Variants in KCNAB1 observed in about 807,000 individuals in gnomAD.
KCNAB1 encodes the protein potassium voltage-gated channel subfamily A regulatory beta subunit 1.
In KCNAB1, 35 loss-of-function variants were observed where a neutral mutation model predicts 64.6. The ratio of observed to expected loss-of-function variants is 0.54; its 90% confidence interval spans 0.41 to 0.72. The LOEUF is 0.72. Ranked by LOEUF, KCNAB1 falls within the 30% of genes least tolerant of loss-of-function variation. The probability of loss-of-function intolerance (pLI) is 0.00; values close to 1 mark genes in which losing one functional copy is unlikely to be tolerated. For missense variants in KCNAB1, 401 were observed against 512.9 expected (o/e 0.78, Z 2.11); for synonymous variants, 177 against 183.8 (o/e 0.96, Z 0.30).
intron 1 of KCNAB1, among the ~76,000 whole-genome samples, chr3:156,211,447 T>C (rs1290165421): frequency 6.6e-6 from 1 of 152,232 alleles, no homozygotes; most frequent in Non-Finnish European, 1.5e-5. Context: ...AGTTGCTTCG[T>C]CTGGATATTA....
chr3:156,387,491 A>G (rs552462399), intron 1 of KCNAB1, among the ~76,000 whole-genome samples: 1 of 152,268 alleles, frequency 6.6e-6, no homozygotes, highest in Admixed American at 6.5e-5. Context: ...TAATTTTAAA[A>G]CATTTTTGTT....
chr3:156,218,787 A>AC (rs1715488334), intron 1 of KCNAB1, among the ~76,000 whole-genome samples: 1 of 101,626 alleles, frequency 9.8e-6, no homozygotes, highest in South Asian at 3.4e-4. Flanking sequence ...CCAGAACAGC[A>AC]AAAAAAAAAA....
chr3:156,222,594 A>G (rs768582706), intron 1 of KCNAB1, among the ~76,000 whole-genome samples: 2 of 152,234 alleles, frequency 1.3e-5, no homozygotes, highest in Non-Finnish European at 2.9e-5. Context: ...AGATATATTT[A>G]TAGAACATTC....
chr3:156,362,558 G>A (rs934446211), intron 1 of KCNAB1, among the ~76,000 whole-genome samples: 1 of 152,122 alleles, frequency 6.6e-6, no homozygotes, highest in South Asian at 2.1e-4. Flanking sequence ...AATAATAATA[G>A]TATTGTTATT....
intron 1 of KCNAB1, among the ~76,000 whole-genome samples, chr3:156,209,734 A>G (rs1275984009): frequency 6.6e-6 from 1 of 152,194 alleles, no homozygotes; most frequent in Non-Finnish European, 1.5e-5. Context: ...CATGCTCAAT[A>G]TTGGTGTGTC....
chr3:156,255,580 T>C (rs1300725436), intron 1 of KCNAB1, among the ~76,000 whole-genome samples: 1 of 152,184 alleles, frequency 6.6e-6, no homozygotes, highest in Non-Finnish European at 1.5e-5. Context: ...TGCCCCACAC[T>C]GCCTGCTGTG....
At chr3:156,130,666 T>C (rs901487757) in intron 1 of KCNAB1, among the ~76,000 whole-genome samples, 2 of 152,226 alleles carry the variant, frequency 1.3e-5, no homozygotes, top group Non-Finnish European at 2.9e-5. Context: ...CTGCCCTAGT[T>C]TGGGTTGATT....
chr3:156,193,756 C>T (rs1044072943), intron 1 of KCNAB1, among the ~76,000 whole-genome samples: 4 of 152,112 alleles, frequency 2.6e-5, no homozygotes, highest in African/African-American at 9.7e-5. Context: ...AGGTCCCTTC[C>T]TCGACATGTG....
intron 1 of KCNAB1, among the ~76,000 whole-genome samples, chr3:156,401,656 A>T (rs1226337584): frequency 6.6e-6 from 1 of 152,232 alleles, no homozygotes; most frequent in Non-Finnish European, 1.5e-5. Flanking sequence ...CGCTGCACCA[A>T]CGCTACAGCC....
At chr3:156,237,534 C>G (rs1183837357) in intron 1 of KCNAB1, among the ~76,000 whole-genome samples, 1 of 152,106 alleles carries the variant, frequency 6.6e-6, no homozygotes, top group Non-Finnish European at 1.5e-5. Context: ...CCTCGCTCAA[C>G]TATACGTATT....
chr3:156,230,587 A>G (rs1456706428), intron 1 of KCNAB1, among the ~76,000 whole-genome samples: 4 of 152,228 alleles, frequency 2.6e-5, no homozygotes, highest in African/African-American at 9.6e-5. Context: ...ATTAATAAAG[A>G]CAAGGAGCTT....
chr3:156,361,786 G>C (rs1725631819), intron 1 of KCNAB1, among the ~76,000 whole-genome samples: 1 of 151,956 alleles, frequency 6.6e-6, no homozygotes, highest in Admixed American at 6.6e-5. Flanking sequence ...AGCCTCCCAA[G>C]TAGCTGGGAG....
chr3:156,272,260 A>T (rs1007148413), intron 1 of KCNAB1, among the ~76,000 whole-genome samples: 1 of 152,342 alleles, frequency 6.6e-6, no homozygotes, highest in East Asian at 1.9e-4. Context: ...TTGGTGGCAA[A>T]GCCAGGCAGT....
chr3:156,134,451 T>C (rs1171513091), intron 1 of KCNAB1, among the ~76,000 whole-genome samples: 11 of 152,206 alleles, frequency 7.2e-5, no homozygotes, highest in African/African-American at 2.4e-4. Context: ...CAAGAAAGAA[T>C]ACATGGTTTA....
chr3:156,251,884 A>G (rs1335014469), intron 1 of KCNAB1, among the ~76,000 whole-genome samples: 2 of 152,254 alleles, frequency 1.3e-5, no homozygotes, highest in Non-Finnish European at 2.9e-5. Context: ...ATTGTAGGTC[A>G]AATGCTGCTG....
intron 1 of KCNAB1, among the ~76,000 whole-genome samples, chr3:156,264,429 TATAA>T (rs1456321645): frequency 6.6e-6 from 1 of 152,088 alleles, no homozygotes; most frequent in Non-Finnish European, 1.5e-5. Flanking sequence ...CTATTTATTT[TATAA>T]ATGTCTTCTT....
chr3:156,342,609 ATTT>A (rs59689669), intron 1 of KCNAB1, among the ~76,000 whole-genome samples: 146 of 104,690 alleles, frequency 1.4e-3, no homozygotes, highest in African/African-American at 4.7e-3. Flanking sequence ...TTTTTTTTTA[ATTT>A]TTTTTTTTTT....
intron 7 of KCNAB1, among the ~76,000 whole-genome samples, chr3:156,467,762 T>C (rs1202401246): frequency 6.6e-6 from 1 of 152,148 alleles, no homozygotes; most frequent in Admixed American, 6.5e-5. Context: ...GTGACCATCC[T>C]TAGGTAAATG....
intron 1 of KCNAB1, among the ~76,000 whole-genome samples, chr3:156,242,341 A>G (rs1717208016): frequency 6.6e-6 from 1 of 152,144 alleles, no homozygotes; most frequent in African/African-American, 2.4e-5. Flanking sequence ...ATATTTGGTT[A>G]CATGAGTAAG....
Sources: allele counts gnomAD v4.1 joint callset (sites outside exome capture counted in the v4.1 genomes callset), GRCh38; gene constraint gnomAD v4.1.1; transcripts MANE v1.5; gene names NCBI Gene and HGNC (gene_info 2026-07-23, HGNC 2026-07-21).